MYO5C: variants seen among roughly 807,000 people sequenced by gnomAD.
MYO5C encodes the protein unconventional myosin-Vc.
In MYO5C, 194 loss-of-function variants were observed where a neutral mutation model predicts 235.7. The observed-to-expected ratio is 0.82, with a 90% CI of 0.73 to 0.93. The LOEUF is 0.93. Ranked by LOEUF, MYO5C falls within the 40% of genes least tolerant of loss-of-function variation. The pLI, the probability that MYO5C is intolerant of heterozygous loss-of-function variation, is 0.00. For synonymous variants in MYO5C, 707 were observed against 754.8 expected (o/e 0.94, Z 1.04); for missense variants, 2,038 against 2,127.2 (o/e 0.96, Z 0.82).
chr15:52,211,750 C>T lies in MYO5C; in HGVS notation c.4276G>A (p.Gly1426Ser), dbSNP rs1214997268. ...CCTACCTTAACCACCTGCTTGATGC[C>T]ATTAATGGTGCTGTTCATGAGGGAC... Reference protein sequence around the residue: ...LKSLMNSTINGIKQVVKEHLE... With the variant: ...LKSLMNSTINSIKQVVKEHLE... Residue 1426 changes from glycine to serine, a missense_variant, in exon 35 of 41, where the codon GGC becomes AGC. By Grantham distance (56) the Gly-to-Ser change is moderately conservative. Transcript: ENST00000261839. The T allele has an allele frequency of 1.2e-6, 2 of 1,613,872 alleles. No individual in the cohort carries two copies. The highest frequency in any genetic ancestry group is 1.7e-6 in the Non-Finnish European group (2 of 1,179,840).
At chr15:52,196,092 G>A (rs1462917436) in intron 39 of MYO5C, among the ~76,000 whole-genome samples, 3 of 149,472 alleles carry the variant, frequency 2.0e-5, no homozygotes, top group African/African-American at 7.4e-5. Flanking sequence ...TTACAGCTGT[G>A]AGCCACCTCG....
At chr15:52,227,190 AT>A (rs1179874943) in intron 25 of MYO5C, among the ~76,000 whole-genome samples, 3 of 117,744 alleles carry the variant, frequency 2.5e-5, no homozygotes, top group African/African-American at 1.1e-4. Context: ...ACCCAGAGTA[AT>A]TTTTTTTTTT....
intron 23 of MYO5C, among the ~76,000 whole-genome samples, chr15:52,235,131 G>A (rs1270204683): frequency 6.6e-6 from 1 of 152,078 alleles, no homozygotes; most frequent in Non-Finnish European, 1.5e-5. Flanking sequence ...CTGGTTCCAG[G>A]GTCTGCCCTT....
At chr15:52,285,661 G>A (rs1302148109) in intron 1 of MYO5C, among the ~76,000 whole-genome samples, 3 of 152,272 alleles carry the variant, frequency 2.0e-5, no homozygotes, top group Non-Finnish European at 4.4e-5. Flanking sequence ...GGTGGAGACG[G>A]AGTTTCGCTG....
At chr15:52,210,586 T>C (rs11638716) in intron 35 of MYO5C, among the ~76,000 whole-genome samples, 75,201 of 152,036 alleles carry the variant, frequency 0.49, 22,042 homozygotes, top group Non-Finnish European at 0.67. Flanking sequence ...AATTTCCACA[T>C]TCAGGGTAGC....
At chr15:52,213,130 G>T in intron 34 of MYO5C, 58 bp downstream of exon 34, 3 of 1,323,584 alleles carry the variant, frequency 2.3e-6, no homozygotes, top group Non-Finnish European at 3.3e-6. Context: ...CTTTGGCACT[G>T]ACTGATATGC....
intron 29 of MYO5C, among the ~76,000 whole-genome samples, chr15:52,222,956 C>T (rs1023216808): frequency 6.6e-6 from 1 of 152,022 alleles, no homozygotes; most frequent in Non-Finnish European, 1.5e-5. Flanking sequence ...TCGAGACTAG[C>T]CTTGCCCACA....
chr15:52,280,157 GTC>G (rs1389851332), intron 2 of MYO5C, among the ~76,000 whole-genome samples: 1 of 152,244 alleles, frequency 6.6e-6, no homozygotes, highest in African/African-American at 2.4e-5. Flanking sequence ...AGGTTGTTGA[GTC>G]TCTGCTCAAA....
chr15:52,232,708 G>T, intron 23 of MYO5C, 23 bp from the exon 24 acceptor site: 2 of 1,603,542 alleles, frequency 1.2e-6, no homozygotes, highest in Non-Finnish European at 1.7e-6. Flanking sequence ...AATGCTTTTT[G>T]AGATATGTCT....
At chr15:52,259,517 G>A (rs1226758892) in intron 10 of MYO5C, among the ~76,000 whole-genome samples, 2 of 152,054 alleles carry the variant, frequency 1.3e-5, no homozygotes, top group Non-Finnish European at 2.9e-5. Context: ...AAAGAACAGG[G>A]AATAACAGAA....
At chr15:52,198,943 G>A (rs2035120249) in intron 38 of MYO5C, among the ~76,000 whole-genome samples, 1 of 151,538 alleles carries the variant, frequency 6.6e-6, no homozygotes, top group Admixed American at 6.6e-5. Flanking sequence ...GCCCAGGCTG[G>A]AGTGCAGTGG....
intron 8 of MYO5C, among the ~76,000 whole-genome samples, chr15:52,269,535 G>C (rs575150518): frequency 1.8e-4 from 28 of 151,870 alleles, no homozygotes; most frequent in African/African-American, 6.5e-4. Context: ...TGGGACTACA[G>C]GCACCCGCCA....
At chr15:52,204,687 G>A (rs1472921424) in intron 38 of MYO5C, among the ~76,000 whole-genome samples, 178 bp downstream of exon 38, 1 of 152,086 alleles carries the variant, frequency 6.6e-6, no homozygotes, top group Non-Finnish European at 1.5e-5. Flanking sequence ...CGTGAGGGGA[G>A]TAGGCCCTGG....
intron 4 of MYO5C, among the ~76,000 whole-genome samples, chr15:52,275,966 C>T (rs563367359): frequency 3.7e-4 from 56 of 152,130 alleles, no homozygotes; most frequent in Non-Finnish European, 6.9e-4. Flanking sequence ...CCTACTCAAC[C>T]TTTCCACTCA....
chr15:52,263,504 C>A (rs1305623149), intron 9 of MYO5C, among the ~76,000 whole-genome samples: 2 of 152,130 alleles, frequency 1.3e-5, no homozygotes, highest in Non-Finnish European at 2.9e-5. Flanking sequence ...GAAAACTACC[C>A]AGTGCCCTTA....
intron 11 of MYO5C, 38 bp downstream of exon 11, chr15:52,256,601 G>GCGCGCGCGGGA: frequency 6.7e-7 from 1 of 1,496,702 alleles, no homozygotes; most frequent in Non-Finnish European, 9.1e-7. Flanking sequence ...GCGCGCGCGC[G>GCGCGCGCGGGA]GCTGAGAACT....
chr15:52,282,391 G>A (rs532388519), intron 2 of MYO5C, among the ~76,000 whole-genome samples: 1 of 152,230 alleles, frequency 6.6e-6, no homozygotes, highest in South Asian at 2.1e-4. Flanking sequence ...CGTATGCCTT[G>A]GGCTCAAACG....
intron 26 of MYO5C, 117 bp downstream of exon 26, chr15:52,225,322 A>G (rs2035796598): frequency 8.4e-6 from 9 of 1,077,032 alleles, no homozygotes; most frequent in African/African-American, 1.5e-5. Context: ...CTATCAACTA[A>G]GCAATCTACC....
intron 19 of MYO5C, 128 bp downstream of exon 19, chr15:52,244,228 G>GTCCATA: frequency 1.2e-6 from 1 of 811,018 alleles, no homozygotes; most frequent in Non-Finnish European, 1.9e-6. Context: ...ACCACAAAGG[G>GTCCATA]GACCCATGCA....
Sources: allele counts gnomAD v4.1 joint callset (sites outside exome capture counted in the v4.1 genomes callset), GRCh38; gene constraint gnomAD v4.1.1; transcripts MANE v1.5; gene names NCBI Gene and HGNC (gene_info 2026-07-23, HGNC 2026-07-21).